The following B4GALT1 variants were observed in gnomAD, a reference collection of about 807,000 sequenced individuals.
B4GALT1 encodes the protein beta-1,4-galactosyltransferase 1.
In B4GALT1, 16 loss-of-function variants were observed where a neutral mutation model predicts 34.9. The ratio of observed to expected loss-of-function variants is 0.46; its 90% CI spans 0.31 to 0.70. The LOEUF (loss-of-function observed/expected upper bound fraction) is 0.70. Ranked by LOEUF, B4GALT1 falls within the 30% of genes least tolerant of loss-of-function variation. B4GALT1 has a pLI of 0.05. For missense variants in B4GALT1, 445 were observed against 530.5 expected (o/e 0.84, Z 1.58); for synonymous variants, 221 against 218.1 (o/e 1.01, Z -0.12).
chr9:33,149,178 A>G (rs1171002245), intron 1 of B4GALT1, among the ~76,000 whole-genome samples: 1 of 144,632 alleles, frequency 6.9e-6, no homozygotes, highest in African/African-American at 2.6e-5. Context: ...CAAGAAAACG[A>G]TGAAAGGTAA....
At chr9:33,135,903 G>GTGTT (rs1198580274) in intron 1 of B4GALT1, among the ~76,000 whole-genome samples, 1 of 106,726 alleles carries the variant, frequency 9.4e-6, no homozygotes, top group Non-Finnish European at 2.2e-5. Context: ...GTGTGTGTGT[G>GTGTT]TGTGTGTATG....
At position 33,112,472 on chromosome 9, in the gene B4GALT1, A is replaced by G. The variant is rs1479975885; in HGVS notation, c.*982T>C. On this transcript the variant is annotated 3_prime_UTR_variant, in exon 6 of 6. Coordinates refer to ENST00000379731, the MANE Select transcript of B4GALT1 (RefSeq NM_001497.4). Reference sequence around the variant, plus strand: ...GGGCCAGAGGGTGATTTTGCTCTTGAGAAAACCTGGCCTGCCAGCTAAATC... The same window carrying G: ...GGGCCAGAGGGTGATTTTGCTCTTGGGAAAACCTGGCCTGCCAGCTAAATC... 1 of 152,646 alleles carries G rather than the reference A, an allele frequency of 6.6e-6. No individual in the cohort carries two copies. Among genetic ancestry groups the G allele is most frequent in the African/African-American group, 2.4e-5 (1 of 41,450 alleles). 9.5% of individuals were successfully genotyped at this position (152,646 alleles called of 1,614,324 possible).
In B4GALT1 at chr9:33,154,497, G is replaced by C. The variant is rs544952825; in HGVS notation, c.412+12261C>G. 1.7e-4 allele frequency among the ~76,000 whole-genome samples: 26 copies of C among 152,282 alleles called. 1 individual carries two copies. In the South Asian group the frequency reaches 5.4e-3, roughly 32 times the overall value. ...AGGTTCTAACGGGGCATTTAGGCAA[G>C]AAAAAGAGCTGCTGTGAGAGTTCAT... On this transcript the variant is annotated intron_variant, in intron 1 of 5. Transcript: ENST00000379731.
At chr9:33,165,869 G>T (rs1358524298) in intron 1 of B4GALT1, among the ~76,000 whole-genome samples, 1 of 152,206 alleles carries the variant, frequency 6.6e-6, no homozygotes, top group Admixed American at 6.5e-5. Flanking sequence ...TGCCTATGCT[G>T]AAACAGGCTA....
At position 33,163,476 on chromosome 9, in the gene B4GALT1, A is replaced by AC. The variant is rs544897837; in HGVS notation, c.412+3281dup. ...TAAGCAGTCTAACACTCACTCCCCT[A>AC]CCCCCCTGAGGGGACTGTACCAACC... On this transcript the variant is annotated intron_variant, in intron 1 of 5. Coordinates refer to ENST00000379731, the MANE Select transcript of B4GALT1 (RefSeq NM_001497.4). 4.7e-3 allele frequency among the ~76,000 whole-genome samples: 712 copies of AC among 151,246 alleles called. 5 individuals are homozygous for AC. The highest frequency in any genetic ancestry group is 8.1e-3 in the Non-Finnish European group (546 of 67,786).
intron 3 of B4GALT1, among the ~76,000 whole-genome samples, chr9:33,119,250 G>A (rs1033938882): frequency 1.3e-5 from 2 of 151,416 alleles, no homozygotes; most frequent in East Asian, 3.9e-4. Flanking sequence ...TTACTTTTAA[G>A]ACAAAACAAT....
At chr9:33,139,556 G>T (rs1840318458) in intron 1 of B4GALT1, among the ~76,000 whole-genome samples, 1 of 152,152 alleles carries the variant, frequency 6.6e-6, no homozygotes, top group Non-Finnish European at 1.5e-5. Context: ...GACTAATTGG[G>T]TCGAGTGCCA....
the B4GALT1 span, among the ~76,000 whole-genome samples, chr9:33,179,138 T>C: frequency 6.6e-6 from 1 of 152,220 alleles, no homozygotes; most frequent in Non-Finnish European, 1.5e-5. Flanking sequence ...AACATTATCA[T>C]ATTCTGCCTC....
At chr9:33,150,159 A>T (rs184207813) in intron 1 of B4GALT1, among the ~76,000 whole-genome samples, 238 of 151,594 alleles carry the variant, frequency 1.6e-3, no homozygotes, top group African/African-American at 5.4e-3. Flanking sequence ...ATACACACAC[A>T]CATATATATG....
chr9:33,112,526 A>AT lies in B4GALT1; in HGVS notation c.*927dup, dbSNP rs2118005484. On this transcript the variant is annotated 3_prime_UTR_variant, in exon 6 of 6. Transcript: ENST00000379731. ...GGCCTATTTGTGGCCACTACAGCAT[A>AT]TATTTATTTTTCTCCCTAAAAAATG... The AT allele has an allele frequency of 6.5e-6, 1 of 152,762 alleles. No individual in the cohort carries two copies. The highest frequency in any genetic ancestry group is 6.5e-5 in the Admixed American group (1 of 15,298). 9.5% of individuals were successfully genotyped at this position (152,762 alleles called of 1,614,324 possible). A position where few individuals can be genotyped will look rare whatever the true frequency, so the allele number is the denominator to read the frequency against.
intron 2 of B4GALT1, among the ~76,000 whole-genome samples, chr9:33,121,525 GCTTT>G (rs763318966): frequency 9.2e-6 from 1 of 108,584 alleles, no homozygotes; most frequent in Non-Finnish European, 1.8e-5. Flanking sequence ...ACCATGCCCG[GCTTT>G]TTTTTTTTTT....
intron 1 of B4GALT1, among the ~76,000 whole-genome samples, chr9:33,140,740 T>C (rs1196022230): frequency 1.3e-5 from 2 of 152,210 alleles, no homozygotes; most frequent in Non-Finnish European, 2.9e-5. Flanking sequence ...CACAGGCTCA[T>C]GTGGATGGGC....
chr9:33,126,730 G>C (rs558969629), intron 2 of B4GALT1, among the ~76,000 whole-genome samples: 1 of 56,750 alleles, frequency 1.8e-5, no homozygotes, highest in African/African-American at 4.9e-5. Context: ...CAGTGAGTGA[G>C]AGAGATGGGC....
intron 1 of B4GALT1, among the ~76,000 whole-genome samples, chr9:33,142,262 C>T (rs1021993134): frequency 2.0e-5 from 3 of 152,104 alleles, no homozygotes; most frequent in Non-Finnish European, 2.9e-5. Context: ...ATTACAGGCA[C>T]GAGCCACCGC....
rs1587755608 is a variant in B4GALT1, at chr9:33,166,886, C to A, written c.284G>T (p.Arg95Leu). The part of the protein sequence containing the change: ...PPPLGASSQP[R>L]PGGDSSPVVD... ...GACTGGGCTGGAGTCGCCACCCGGG[C>A]GCGGCTGGGAGGAGGCGCCTAGAGG... Residue 95 changes from arginine (R) to leucine (L), a missense_variant, in exon 1 of 6, where the codon CGC becomes CTC. Arg to Leu is a moderately radical substitution (Grantham distance 102). Coordinates refer to ENST00000379731, the MANE Select transcript of B4GALT1 (RefSeq NM_001497.4). 2 of 1,577,688 alleles carry A rather than the reference C, an allele frequency of 1.3e-6. No homozygotes were observed. Among genetic ancestry groups the A allele is most frequent in the Non-Finnish European group, 8.6e-7 (1 of 1,168,806 alleles).
At chr9:33,181,693 T>C in the B4GALT1 span, among the ~76,000 whole-genome samples, 4 of 152,136 alleles carry the variant, frequency 2.6e-5, no homozygotes, top group Non-Finnish European at 5.9e-5. Flanking sequence ...AGGATCAACA[T>C]GTGGCCCAAG....
upstream of B4GALT1, among the ~76,000 whole-genome samples, chr9:33,168,675 C>G (rs1489803141): frequency 6.6e-6 from 1 of 152,212 alleles, no homozygotes; most frequent in Non-Finnish European, 1.5e-5. Context: ...CCTCTCTGGA[C>G]TTCTTCCCCA....
intron 2 of B4GALT1, among the ~76,000 whole-genome samples, chr9:33,127,572 A>G (rs1840130876): frequency 6.6e-6 from 1 of 152,262 alleles, no homozygotes. Flanking sequence ...ACCAACACAG[A>G]ATAAACTTCA....
At chr9:33,125,322 G>A (rs548515597) in intron 2 of B4GALT1, among the ~76,000 whole-genome samples, 57 of 152,350 alleles carry the variant, frequency 3.7e-4, no homozygotes, top group Non-Finnish European at 7.2e-4. Flanking sequence ...AATGAGTGAA[G>A]CCAGAATGAA....
Sources: gnomAD v4.1 joint callset for allele counts (sites outside exome capture counted in the v4.1 genomes callset) on GRCh38, gnomAD v4.1.1 for gene constraint, MANE v1.5 for transcripts, NCBI Gene and HGNC (gene_info 2026-07-23, HGNC 2026-07-21) for gene names.